F8: variants seen among roughly 807,000 people sequenced by gnomAD.
F8 encodes the protein antihemophilic factor.
Under a neutral mutation model 140.6 loss-of-function variants are expected in F8, and 12 were observed. That is an observed-to-expected ratio of 0.09 (90% CI 0.05 to 0.14). The LOEUF (loss-of-function observed/expected upper bound fraction) is 0.14. Ranked by LOEUF, F8 falls within the 10% of genes least tolerant of loss-of-function variation. The pLI, the probability that F8 is intolerant of heterozygous loss-of-function variation, is 1.00. For missense variants in F8, 1,354 were observed against 1,720.7 expected (o/e 0.79, Z 3.77); for synonymous variants, 585 against 614.6 (o/e 0.95, Z 0.71).
At chrX:154,891,900 G>A (rs1317448683) in intron 22 of F8, among the ~76,000 whole-genome samples, 1 of 112,011 alleles carries the variant, frequency 8.9e-6, no homozygotes, top group African/African-American at 3.3e-5. Flanking sequence ...AAGGAGAATA[G>A]TCACTGGTTT....
chrX:154,902,221 T>C (rs1557276012), intron 18 of F8, 54 bp from the exon 19 acceptor site: 1 of 900,442 alleles, frequency 1.1e-6, no homozygotes, highest in Admixed American at 2.2e-5. Flanking sequence ...AAAATGAGCA[T>C]GAGATACATT....
chrX:155,022,400 A>T lies in F8; in HGVS notation c.143+10T>A. The T allele has an allele frequency of 8.3e-7, 1 of 1,208,569 alleles. No homozygotes were observed. Among genetic ancestry groups the T allele is most frequent in the South Asian group, 1.8e-5 (1 of 56,892 alleles). On this transcript the variant is annotated intron_variant, in intron 1 of 25. Coordinates refer to ENST00000360256, the MANE Select transcript of F8 (RefSeq NM_000132.4). ...TGGCCCCGATCAGACCCTACAGGAC[A>T]TGCCTTTACCTTGCGTCCACAGGCA...
intron 13 of F8, among the ~76,000 whole-genome samples, chrX:154,947,355 T>C (rs1557280387): frequency 9.1e-6 from 1 of 109,932 alleles, no homozygotes; most frequent in Non-Finnish European, 1.9e-5. Context: ...TCCAGTTAAA[T>C]GGCTTTTATC....
chrX:154,864,237 C>T (rs1374896304), intron 22 of F8, among the ~76,000 whole-genome samples: 3 of 112,770 alleles, frequency 2.7e-5, no homozygotes, highest in Non-Finnish European at 5.6e-5. Context: ...CCCTTTGACC[C>T]AGCTCCAGGC....
chrX:154,843,246 A>T (rs1308328701), intron 25 of F8, among the ~76,000 whole-genome samples: 1 of 111,790 alleles, frequency 8.9e-6, no homozygotes, highest in African/African-American at 3.2e-5. Context: ...ATAGTGCCGC[A>T]ATAAACATAC....
intron 13 of F8, among the ~76,000 whole-genome samples, chrX:154,931,917 G>C (rs782157909): frequency 5.3e-5 from 6 of 112,300 alleles, no homozygotes; most frequent in Non-Finnish European, 1.1e-4. Flanking sequence ...TAGATATTGG[G>C]ATTAAAATAG....
chrX:154,901,314 T>C, intron 20 of F8, 57 bp downstream of exon 20: 5 of 770,357 alleles, frequency 6.5e-6, no homozygotes, highest in Non-Finnish European at 1.0e-5. Flanking sequence ...CTCCACCAGA[T>C]TATTAAAAAA....
chrX:154,976,692 T>G (rs1458556100), intron 6 of F8, among the ~76,000 whole-genome samples: 1 of 108,773 alleles, frequency 9.2e-6, no homozygotes, highest in African/African-American at 3.4e-5. Context: ...CCAACAATGA[T>G]AGACTGGATT....
chrX:154,843,931 A>G (rs1333391939), intron 25 of F8, among the ~76,000 whole-genome samples: 28 of 111,462 alleles, frequency 2.5e-4, no homozygotes, highest in South Asian at 3.7e-4. Flanking sequence ...TAGGTCTAAC[A>G]TTTAAGTCTT....
rs147612133 is a variant in F8 at position 155,013,520 on chromosome X, T to C, written c.143+8890A>G. ...TTTATAAATTACCCAGTCTCGGGTA[T>C]GTCCTCATAGCAGCATTAGAACGGA... On this transcript the variant is annotated intron_variant, in intron 1 of 25. Coordinates refer to ENST00000360256, the MANE Select transcript of F8 (RefSeq NM_000132.4). Among the ~76,000 whole-genome samples the C allele has an allele frequency of 1.6e-3, 177 of 111,655 alleles. 3 individuals are homozygous for C. The highest frequency in any genetic ancestry group is 3.0e-3 in the Non-Finnish European group (159 of 53,096).
chrX:154,925,421 G>A lies in F8; in HGVS notation c.5219+3150C>T, dbSNP rs151146176. Among the ~76,000 whole-genome samples, 322 of 111,866 alleles carry A rather than the reference G, an allele frequency of 2.9e-3. 1 individual carries two copies. The highest frequency in any genetic ancestry group is 8.4e-3 in the African/African-American group (260 of 30,804). Reference sequence around the variant, plus strand: ...AGAGGGCCACCGTCCTCCAGACCCCGGAATGGTAGATCCATCAGAAACTTG... The same window carrying A: ...AGAGGGCCACCGTCCTCCAGACCCCAGAATGGTAGATCCATCAGAAACTTG... On this transcript the variant is annotated intron_variant, in intron 14 of 25. Transcript: ENST00000360256.
intron 21 of F8, among the ~76,000 whole-genome samples, chrX:154,899,183 C>T (rs1231915993): frequency 1.8e-5 from 2 of 112,195 alleles, no homozygotes; most frequent in African/African-American, 3.2e-5. Context: ...CAAAACAATG[C>T]TGTGGCATTA....
intron 22 of F8, 109 bp downstream of exon 22, chrX:154,895,968 A>T: frequency 1.2e-6 from 1 of 805,605 alleles, no homozygotes; most frequent in South Asian, 2.1e-5. Context: ...GTGAAAAATT[A>T]TTTTTTGGAA....
intron 9 of F8, among the ~76,000 whole-genome samples, chrX:154,961,945 A>G (rs2073397443): frequency 9.0e-6 from 1 of 111,307 alleles, no homozygotes; most frequent in Admixed American, 9.5e-5. Flanking sequence ...GGCTCTGGCC[A>G]GTTTACAGAG....
chrX:154,999,218 G>GA (rs2073633964), intron 2 of F8, among the ~76,000 whole-genome samples: 1 of 110,108 alleles, frequency 9.1e-6, no homozygotes, highest in South Asian at 3.9e-4. Context: ...TTCTAAGACA[G>GA]AAAATGTCCT....
chrX:154,924,881 G>A (rs1340420018), intron 14 of F8, among the ~76,000 whole-genome samples: 1 of 112,214 alleles, frequency 8.9e-6, no homozygotes, highest in Non-Finnish European at 1.9e-5. Context: ...AGCCATGGCT[G>A]TAGCGGCTGG....
At chrX:155,009,958 T>C (rs1401817933) in intron 1 of F8, among the ~76,000 whole-genome samples, 1 of 110,558 alleles carries the variant, frequency 9.0e-6, no homozygotes, top group Non-Finnish European at 1.9e-5. Context: ...AGGCCCTAGG[T>C]CAAGTATATG....
rs782557042 is a variant in F8 at position 154,860,518 on chromosome X, T to C, written c.6814A>G (p.Thr2272Ala). The part of the protein sequence containing the change: ...VTTQGVKSLL[T>A]SMYVKEFLIS... ...AGGAACTCCTTCACATACATGCTGG[T>C]AAGCAGAGATTTTACTCCCTGAGTA... The change falls in exon 25 of 26, where the codon ACC (threonine) becomes GCC (alanine). Residue 2272 changes from threonine (T) to alanine (A), a missense_variant. Around this residue, in one of 4 missense-constraint regions of F8, gnomAD observed 316 missense variants for 485.4 expected, o/e 0.65. Coordinates refer to ENST00000360256, the MANE Select transcript of F8 (RefSeq NM_000132.4). 1 of 1,211,170 alleles carries C rather than the reference T, an allele frequency of 8.3e-7. No individual in the cohort carries two copies. Among genetic ancestry groups the C allele is most frequent in the East Asian group, 3.0e-5 (1 of 33,857 alleles).
At chrX:154,955,314 C>T (rs1213057053) in intron 11 of F8, among the ~76,000 whole-genome samples, 1 of 91,395 alleles carries the variant, frequency 1.1e-5, no homozygotes, top group African/African-American at 4.5e-5. Context: ...CCATGCCCAG[C>T]TAATTTTTTT....
Sources: gnomAD v4.1 joint callset for allele counts (sites outside exome capture counted in the v4.1 genomes callset) on GRCh38, gnomAD v4.1.1 for gene constraint, gnomAD v4.1.1 regional missense constraint, MANE v1.5 for transcripts, NCBI Gene and HGNC (gene_info 2026-07-23, HGNC 2026-07-21) for gene names.